Variants in CRNN observed in about 807,000 individuals in gnomAD.
The protein encoded by CRNN is cornulin.
CRNN carries 39 observed loss-of-function variants against 44.7 expected under a neutral mutation model. The observed-to-expected ratio is 0.87, with a 90% CI of 0.68 to 1.14. CRNN has a LOEUF of 1.14. Among genes scored for constraint, CRNN ranks in the 50% most tolerant of loss-of-function variants. CRNN has a pLI of 0.00. For synonymous variants in CRNN, 240 were observed against 231.8 expected (o/e 1.04, Z -0.32); for missense variants, 606 against 605.1 (o/e 1.00, Z -0.02).
chr1:152,414,121 G>C (rs1655843190), intron 1 of CRNN, 93 bp downstream of exon 1: 1 of 152,244 alleles, frequency 6.6e-6, no homozygotes, highest in Non-Finnish European at 1.5e-5. Context: ...AGCTCTGAAG[G>C]ATGCATAGTC....
At position 152,409,960 on chromosome 1, in the gene CRNN, C is replaced by G. The variant is rs6695830; in HGVS notation, c.1122G>C (p.Gln374His). 0.012 allele frequency: 18,885 copies of G among 1,614,084 alleles called. 1,702 individuals are homozygous for G. The African/African-American group carries it at 0.2, about 17-fold the overall frequency. ...QTVSHGGARE[Q>H]GQTQTQPGSG... ...TGCCTGGCTGCGTCTGGGTCTGTCC[C>G]TGTTCTCTAGCCCCTCCGTGGCTTA... Residue 374 changes from glutamine to histidine, a missense_variant, in exon 3 of 3, where the codon CAG becomes CAC. By Grantham distance (24) the Gln-to-His change is conservative. Coordinates refer to ENST00000271835, the MANE Select transcript of CRNN (RefSeq NM_016190.3).
intron 1 of CRNN, among the ~76,000 whole-genome samples, chr1:152,413,080 A>T (rs1655818533): frequency 6.6e-6 from 1 of 152,056 alleles, no homozygotes; most frequent in Admixed American, 6.5e-5. Flanking sequence ...TTTGGGTGGG[A>T]GGCCTTCCAG....
intron 2 of CRNN, 108 bp from the exon 3 acceptor site, chr1:152,411,051 C>T (rs1655746974): frequency 6.8e-7 from 1 of 1,464,834 alleles, no homozygotes; most frequent in African/African-American, 1.4e-5. Context: ...ACACTACACA[C>T]ACATACGGCT....
In CRNN at chr1:152,409,587, G is replaced by T. The variant is rs571239883; in HGVS notation, c.*7C>A. 5.0e-6 allele frequency: 8 copies of T among 1,601,812 alleles called. No homozygotes were observed. The Admixed American group carries it at 1.2e-4, about 24-fold the overall frequency. ...TCTTCCAGTACTGGACATTGGAGTC[G>T]GGGAAGTCATGGCTTGGTGCTTCTC... On this transcript the variant is annotated 3_prime_UTR_variant, in exon 3 of 3. Coordinates refer to ENST00000271835, the MANE Select transcript of CRNN (RefSeq NM_016190.3).
chr1:152,409,812 G>A lies in CRNN; in HGVS notation c.1270C>T (p.Arg424Cys), dbSNP rs1215080202. 9 of 1,614,034 alleles carry A rather than the reference G, an allele frequency of 5.6e-6. No homozygotes were observed. The highest frequency in any genetic ancestry group is 2.2e-5 in the South Asian group (2 of 91,080). The change falls in exon 3 of 3, where the codon CGC becomes TGC. Residue 424 changes from arginine (R) to cysteine (C), a missense_variant. Coordinates refer to ENST00000271835, the MANE Select transcript of CRNN (RefSeq NM_016190.3). Reference sequence around the variant, plus strand: ...TCTCCCTGCCCTTCTGTCACACAGCGCCTTGGGTGAGTGCTGCTCCACTCC... The same window carrying A: ...TCTCCCTGCCCTTCTGTCACACAGCACCTTGGGTGAGTGCTGCTCCACTCC... Reference protein sequence around the residue: ...RQEWSSTHPRRCVTEGQGDRQ... With the variant: ...RQEWSSTHPRCCVTEGQGDRQ...
At chr1:152,414,086 G>A (rs1010361388) in intron 1 of CRNN, 128 bp downstream of exon 1, 9 of 152,258 alleles carry the variant, frequency 5.9e-5, no homozygotes, top group South Asian at 4.1e-4. Context: ...CAACGGTAGC[G>A]TTGGTTTGCC....
rs760755854 is a variant in CRNN at position 152,412,083 on chromosome 1, C to T, written c.138+13G>A. ...TGCTATGTCCCCTCTCCACCCGGCT[C>T]AGCACACCGTACCACAATCACATCG... On this transcript the variant is annotated intron_variant, in intron 2 of 2. Coordinates refer to ENST00000271835, the MANE Select transcript of CRNN (RefSeq NM_016190.3). The T allele has an allele frequency of 3.1e-6, 5 of 1,594,670 alleles. No individual in the cohort carries two copies. Among genetic ancestry groups the T allele is most frequent in the Non-Finnish European group, 4.3e-6 (5 of 1,165,460 alleles).
At chr1:152,413,696 C>T (rs1009136792) in intron 1 of CRNN, among the ~76,000 whole-genome samples, 56 of 152,294 alleles carry the variant, frequency 3.7e-4, no homozygotes, top group African/African-American at 1.3e-3. Context: ...ATGTAGCAGA[C>T]TTTAACCACT....
At position 152,409,269 on chromosome 1, in the gene CRNN, A is replaced by G; in HGVS notation, c.*325T>C. 1 of 306,478 alleles carries G rather than the reference A, an allele frequency of 3.3e-6. No individual in the cohort carries two copies. The highest frequency in any genetic ancestry group is 6.0e-6 in the Non-Finnish European group (1 of 166,344). 19.0% of individuals were successfully genotyped at this position (306,478 alleles called of 1,614,324 possible). A position where few individuals can be genotyped will look rare whatever the true frequency, so the allele number is the denominator to read the frequency against. On this transcript the variant is annotated 3_prime_UTR_variant, in exon 3 of 3. Transcript: ENST00000271835. The stretch of plus-strand genomic sequence containing the variant: ...CAGTGGCTTAAGGTTTTATTGATGC[A>G]TTAGGGTAGATGGGGCAATAGAGAG...
Position 152,410,393 on chromosome 1 carries a change from G to T in CRNN, c.689C>A (p.Ser230Tyr). The T allele has an allele frequency of 6.2e-7, 1 of 1,614,176 alleles. No individual in the cohort carries two copies. Among genetic ancestry groups the T allele is most frequent in the Non-Finnish European group, 8.5e-7 (1 of 1,180,028 alleles). Residue 230 changes from serine to tyrosine, a missense_variant, in exon 3 of 3, where the codon TCT (serine) becomes TAT (tyrosine). Coordinates refer to ENST00000271835, the MANE Select transcript of CRNN (RefSeq NM_016190.3). ...GGCACCTGCCTGGGTCTGAGTTCCA[G>T]ATCCAGTCACAGTCTCACCTGTCTG... ...AHQTGETVTG[S>Y]GTQTQAGATQ...
At chr1:152,411,346 A>T (rs1442457102) in intron 2 of CRNN, among the ~76,000 whole-genome samples, 1 of 152,180 alleles carries the variant, frequency 6.6e-6, no homozygotes, top group Non-Finnish European at 1.5e-5. Context: ...TTGGGAACAC[A>T]GCCCCATGGG....
chr1:152,410,471 G>A lies in CRNN; in HGVS notation c.611C>T (p.Thr204Ile). 6.2e-7 allele frequency: 1 copy of A among 1,614,184 alleles called. No individual in the cohort carries two copies. Among genetic ancestry groups the A allele is most frequent in the East Asian group, 2.2e-5 (1 of 44,884 alleles). Residue 204 changes from threonine to isoleucine, a missense_variant, in exon 3 of 3, where the codon ACA becomes ATA. Physicochemically the swap from Thr to Ile is moderately conservative, Grantham distance 89 (BLOSUM62 -1). Coordinates refer to ENST00000271835, the MANE Select transcript of CRNN (RefSeq NM_016190.3). ...TGGCTGTCTCTCTGGCCTCATCTCT[G>A]TTGTCTGATTCCTCTTGCCTTCTCC... ...KAGEGKRNQT[T>I]EMRPERQPQT...
At position 152,410,421 on chromosome 1, in the gene CRNN, G is replaced by A; in HGVS notation, c.661C>T (p.His221Tyr). ...QPQTREQDRA[H>Y]QTGETVTGSG... ...CCAGTCACAGTCTCACCTGTCTGGT[G>A]GGCTCTGTCCTGTTCCCTGGTCTGT... The change falls in exon 3 of 3, where the codon CAC becomes TAC. Residue 221 changes from histidine to tyrosine, a missense_variant. By Grantham distance (83) the His-to-Tyr change is moderately conservative. Coordinates refer to ENST00000271835, the MANE Select transcript of CRNN (RefSeq NM_016190.3). 2 of 1,614,132 alleles carry A rather than the reference G, an allele frequency of 1.2e-6. No individual in the cohort carries two copies. The highest frequency in any genetic ancestry group is 2.2e-5 in the East Asian group (1 of 44,868).
At position 152,410,900 on chromosome 1, in the gene CRNN, A is replaced by G; in HGVS notation, c.182T>C (p.Leu61Pro). The G allele has an allele frequency of 6.2e-7, 1 of 1,613,788 alleles. No individual in the cohort carries two copies. Among genetic ancestry groups the G allele is most frequent in the Non-Finnish European group, 8.5e-7 (1 of 1,179,854 alleles). ...PATVDEVLRLLDEDHTGTVEF... is the reference protein window; with the variant it reads ...PATVDEVLRLPDEDHTGTVEF... ...CACAGTCCCTGTGTGGTCTTCATCC[A>G]GCAGACGCAGGACCTCATCCACAGT... is the stretch of plus-strand genomic sequence containing the variant. The change falls in exon 3 of 3, where the codon CTG becomes CCG. Residue 61 changes from leucine to proline, a missense_variant. Leu to Pro is a moderately conservative substitution (Grantham distance 98, BLOSUM62 -3). Transcript: ENST00000271835.
Position 152,409,813 on chromosome 1 carries a change from CCT to C in CRNN, c.1267_1268del (p.Arg423AlafsTer17). 6.2e-7 allele frequency: 1 copy of C among 1,614,190 alleles called. No individual in the cohort carries two copies. The highest frequency in any genetic ancestry group is 8.5e-7 in the Non-Finnish European group (1 of 1,180,028). On this transcript the variant is annotated frameshift_variant, in exon 3 of 3. Coordinates refer to ENST00000271835, the MANE Select transcript of CRNN (RefSeq NM_016190.3). LOFTEE classifies it high-confidence loss of function. ...CTCCCTGCCCTTCTGTCACACAGCG[CCT>C]TGGGTGAGTGCTGCTCCACTCCTGC... ...GRQEWSSTHP[R>X]RCVTEGQGDR...
chr1:152,412,110 C>G lies in CRNN; in HGVS notation c.124G>C (p.Ala42Pro). Reference sequence around the variant, plus strand: ...GCACACCGTACCACAATCACATCGGCAAACTCTTGCTCCAAGAGTCTTTTC... The same window carrying G: ...GCACACCGTACCACAATCACATCGGGAAACTCTTGCTCCAAGAGTCTTTTC... ...ELKRLLEQEFADVIVKPHDPA... is the reference protein window; with the variant it reads ...ELKRLLEQEFPDVIVKPHDPA... The change falls in exon 2 of 3, where the codon GCC becomes CCC. Residue 42 changes from alanine to proline, a missense_variant. Transcript: ENST00000271835. 2 of 1,608,418 alleles carry G rather than the reference C, an allele frequency of 1.2e-6. No individual in the cohort carries two copies. The highest frequency in any genetic ancestry group is 1.7e-6 in the Non-Finnish European group (2 of 1,175,648).
chr1:152,410,638 G>A lies in CRNN; in HGVS notation c.444C>T (p.Asn148=), dbSNP rs1447419542. The A allele has an allele frequency of 1.2e-6, 2 of 1,614,058 alleles. No homozygotes were observed. Among genetic ancestry groups the A allele is most frequent in the Non-Finnish European group, 8.5e-7 (1 of 1,180,006 alleles). Residue 148 remains asparagine (N), a synonymous_variant, in exon 3 of 3, where the codon AAC becomes AAT. Transcript: ENST00000271835. ...GACCCTGGGTCTGAACCCCAGGCCT[G>A]TTCTGCCCTCTGGAACCCTGCTGGC... ...RQSQQGSRGQ[N]RPGVQTQGQA...
rs1655687098 is a variant in CRNN at position 152,409,612 on chromosome 1, C to A, written c.1470G>T (p.Leu490Phe). ...GGGGAAGTCATGGCTTGGTGCTTCT[C>A]AAGTAGGAATACAGCTCTCTAGCTG... is the stretch of plus-strand genomic sequence containing the variant. The part of the protein sequence containing the change: ...GITARELYSY[L>F]RSTKP The change falls in exon 3 of 3, where the codon TTG becomes TTT. Residue 490 changes from leucine (L) to phenylalanine (F), a missense_variant. Leu to Phe is a conservative substitution (Grantham distance 22). Coordinates refer to ENST00000271835, the MANE Select transcript of CRNN (RefSeq NM_016190.3). 1.2e-6 allele frequency: 2 copies of A among 1,611,368 alleles called. No individual in the cohort carries two copies. Among genetic ancestry groups the A allele is most frequent in the Non-Finnish European group, 1.7e-6 (2 of 1,178,624 alleles).
At chr1:152,412,389 A>C in intron 1 of CRNN, 143 bp from the exon 2 acceptor site, 4 of 815,580 alleles carry the variant, frequency 4.9e-6, no homozygotes, top group Non-Finnish European at 7.5e-6. Context: ...AATGCATCTT[A>C]TGTATGGGAA....
Sources: gnomAD v4.1 joint callset for allele counts (sites outside exome capture counted in the v4.1 genomes callset) on GRCh38, gnomAD v4.1.1 for gene constraint, MANE v1.5 for transcripts, NCBI Gene and HGNC (gene_info 2026-07-23, HGNC 2026-07-21) for gene names.